The following ANK1 variants were observed in gnomAD, a reference collection of about 807,000 sequenced individuals.
ANK1 encodes ankyrin 1, also known as ankyrin-1.
A neutral mutation model predicts 210.4 loss-of-function variants in ANK1; 51 were observed. The observed-to-expected ratio is 0.24, with a 90% confidence interval of 0.19 to 0.31. The LOEUF is 0.31. Among genes scored for constraint, ANK1 ranks in the 10% least tolerant of loss-of-function variants. ANK1 has a pLI of 1.00. For synonymous variants in ANK1, 967 were observed against 1,025.9 expected (o/e 0.94, Z 1.10); for missense variants, 2,051 against 2,504.4 (o/e 0.82, Z 3.86).
At position 41,723,459 on chromosome 8, in the gene ANK1, G is replaced by A. The variant is rs934903113; in HGVS notation, c.810+76C>T. The A allele has an allele frequency of 2.5e-5, 39 of 1,537,430 alleles. No homozygotes were observed. In the African/African-American group the frequency reaches 3.4e-4, roughly 13 times the overall value. On this transcript the variant is annotated intron_variant, in intron 8 of 42. Coordinates refer to ENST00000289734, the MANE Select transcript of ANK1 (RefSeq NM_000037.4). ...TGCATCCCTAACTAGGTCACCAAGG[G>A]CCCGCTGCTCTGGGTGAGGCTTGTG...
At chr8:41,713,775 G>A (rs963049618) in intron 16 of ANK1, among the ~76,000 whole-genome samples, 4 of 152,152 alleles carry the variant, frequency 2.6e-5, no homozygotes, top group East Asian at 1.9e-4. Context: ...ACAGTCCCAC[G>A]GAGTCAGAAT....
Position 41,725,833 on chromosome 8 carries a change from C to G in ANK1, c.540G>C (p.Ala180=), listed in dbSNP as rs756561165. 6.2e-7 allele frequency: 1 copy of G among 1,612,014 alleles called. No individual in the cohort carries two copies. The highest frequency in any genetic ancestry group is 8.5e-7 in the Non-Finnish European group (1 of 1,179,640). The change falls in exon 6 of 43, where the codon GCG becomes GCC. Residue 180 remains alanine, a synonymous_variant. Coordinates refer to ENST00000289734, the MANE Select transcript of ANK1 (RefSeq NM_000037.4). ...CCGTGCGCGTGTCGTCGTTGCGGGC[C>G]GCGATGTGCAGGGCCGGGAGGCGCA... The part of the protein sequence containing the change: ...GKVRLPALHI[A]ARNDDTRTAA...
At chr8:41,852,898 AG>A (rs1442089123) in intron 1 of ANK1, among the ~76,000 whole-genome samples, 1 of 152,182 alleles carries the variant, frequency 6.6e-6, no homozygotes, top group Non-Finnish European at 1.5e-5. Context: ...CGTTTGACCT[AG>A]CTTGAGGACA....
At chr8:41,892,349 C>T (rs919269954) in intron 1 of ANK1, among the ~76,000 whole-genome samples, 6 of 152,130 alleles carry the variant, frequency 3.9e-5, no homozygotes, top group African/African-American at 9.7e-5. Context: ...GCAGGCTCTT[C>T]GGTTACTGCT....
chr8:41,688,144 T>C lies in ANK1; in HGVS notation c.4258+12A>G, dbSNP rs770804330. 1 of 1,613,858 alleles carries C rather than the reference T, an allele frequency of 6.2e-7. No individual in the cohort carries two copies. The highest frequency in any genetic ancestry group is 8.5e-7 in the Non-Finnish European group (1 of 1,179,762). On this transcript the variant is annotated intron_variant, in intron 35 of 42. Coordinates refer to ENST00000289734, the MANE Select transcript of ANK1 (RefSeq NM_000037.4). Reference sequence around the variant, plus strand: ...GGACAAAGTGCTTTTCTGCCCCCAATTCCCCACTCACCTGCCCAGCTGAGA... The same window carrying C: ...GGACAAAGTGCTTTTCTGCCCCCAACTCCCCACTCACCTGCCCAGCTGAGA...
intron 17 of ANK1, among the ~76,000 whole-genome samples, 192 bp from the exon 18 acceptor site, chr8:41,706,433 G>A (rs897780650): frequency 1.3e-5 from 2 of 152,192 alleles, no homozygotes; most frequent in East Asian, 3.8e-4. Context: ...CTAGACCAGG[G>A]GTTGGCAACT....
chr8:41,803,724 A>G (rs990187017), intron 1 of ANK1, among the ~76,000 whole-genome samples: 29 of 152,110 alleles, frequency 1.9e-4, no homozygotes, highest in African/African-American at 6.5e-4. Flanking sequence ...TAGTTAAGGA[A>G]GTTAGCTTCT....
At chr8:41,814,359 CAAA>C (rs34734381) in intron 1 of ANK1, among the ~76,000 whole-genome samples, 17 of 124,396 alleles carry the variant, frequency 1.4e-4, no homozygotes, top group Admixed American at 1.7e-4. Flanking sequence ...GACTCCATCT[CAAA>C]AAAAAAAAAA....
chr8:41,705,112 C>G (rs1824202310), intron 18 of ANK1, among the ~76,000 whole-genome samples: 1 of 152,242 alleles, frequency 6.6e-6, no homozygotes, highest in Non-Finnish European at 1.5e-5. Flanking sequence ...TGAGTCTGGG[C>G]TGTTCAAGGA....
intron 1 of ANK1, among the ~76,000 whole-genome samples, chr8:41,892,990 A>T (rs1819736589): frequency 6.6e-6 from 1 of 152,262 alleles, no homozygotes; most frequent in South Asian, 2.1e-4. Flanking sequence ...TGTTGCAGGT[A>T]TCCGGCTTAG....
chr8:41,872,314 C>A (rs895347730), intron 1 of ANK1, among the ~76,000 whole-genome samples: 1 of 152,188 alleles, frequency 6.6e-6, no homozygotes, highest in Non-Finnish European at 1.5e-5. Flanking sequence ...GTCCAGCCGC[C>A]CACCCCAGGG....
At chr8:41,853,630 C>T (rs548444083) in intron 1 of ANK1, among the ~76,000 whole-genome samples, 1 of 152,176 alleles carries the variant, frequency 6.6e-6, no homozygotes, top group African/African-American at 2.4e-5. Flanking sequence ...GGTTCTTTTC[C>T]TCTCTAAATT....
chr8:41,684,665 C>A lies in ANK1; in HGVS notation c.4416G>T (p.Gln1472His). The A allele has an allele frequency of 6.2e-7, 1 of 1,613,916 alleles. No individual in the cohort carries two copies. The highest frequency in any genetic ancestry group is 1.1e-5 in the South Asian group (1 of 91,064). ...TCACGATCTCGCCACGGTCAATGCT[C>A]TGCAGGGCTGTGTACAGATTCTCCA... ...ANMENLYTAL[Q>H]SIDRGEIVNM... The change falls in exon 37 of 43, where the codon CAG becomes CAT. Residue 1472 changes from glutamine (Q) to histidine (H), a missense_variant. Physicochemically the swap from Gln to His is conservative, Grantham distance 24. Coordinates refer to ENST00000289734, the MANE Select transcript of ANK1 (RefSeq NM_000037.4).
chr8:41,825,463 A>G (rs1227912134), intron 1 of ANK1, among the ~76,000 whole-genome samples: 2 of 152,174 alleles, frequency 1.3e-5, no homozygotes, highest in Admixed American at 1.3e-4. Flanking sequence ...GTACAGTCAG[A>G]AGTCGTTTTG....
chr8:41,822,915 T>C (rs1804724122), intron 1 of ANK1, among the ~76,000 whole-genome samples: 1 of 152,158 alleles, frequency 6.6e-6, no homozygotes, highest in African/African-American at 2.4e-5. Flanking sequence ...CCCAGGCTGA[T>C]CTGGGGCGCT....
intron 1 of ANK1, among the ~76,000 whole-genome samples, chr8:41,822,134 GAAAGAA>G (rs1488623875): frequency 1.6e-4 from 5 of 31,042 alleles, no homozygotes; most frequent in Non-Finnish European, 8.9e-5. Context: ...GAAAGAAAGA[GAAAGAA>G]AGAAAGAAAG....
intron 1 of ANK1, among the ~76,000 whole-genome samples, chr8:41,822,142 GAAAGAA>G (rs1177846063): frequency 2.9e-4 from 13 of 45,064 alleles, no homozygotes; most frequent in Admixed American, 1.0e-3. Context: ...GAGAAAGAAA[GAAAGAA>G]AGAAAGAAAG....
intron 1 of ANK1, among the ~76,000 whole-genome samples, chr8:41,790,209 C>T (rs1422123381): frequency 2.7e-5 from 4 of 150,840 alleles, no homozygotes; most frequent in East Asian, 3.9e-4. Context: ...TGCAATGGTG[C>T]GATCTCGGCT....
At chr8:41,705,951 A>T (rs917474460) in intron 18 of ANK1, among the ~76,000 whole-genome samples, 192 bp downstream of exon 18, 18 of 152,194 alleles carry the variant, frequency 1.2e-4, no homozygotes, top group Non-Finnish European at 2.5e-4. Context: ...GGTCTAGCAA[A>T]CTTTAAAAAA....
Sources: allele counts gnomAD v4.1 joint callset (sites outside exome capture counted in the v4.1 genomes callset), GRCh38; gene constraint gnomAD v4.1.1; transcripts MANE v1.5; gene names NCBI Gene and HGNC (gene_info 2026-07-23, HGNC 2026-07-21).